Variants in SGMS1 observed in about 807,000 individuals in gnomAD.
The protein encoded by SGMS1 is sphingomyelin synthase 1.
A neutral mutation model predicts 46.2 loss-of-function variants in SGMS1; 13 were observed. The observed-to-expected ratio is 0.28, with a 90% CI of 0.18 to 0.45. SGMS1 has a LOEUF of 0.45. Ranked by LOEUF, SGMS1 falls within the 20% of genes least tolerant of loss-of-function variation. The probability of loss-of-function intolerance (pLI) is 1.00; values close to 1 mark genes in which losing one functional copy is unlikely to be tolerated. For missense variants in SGMS1, 324 were observed against 519.9 expected (o/e 0.62, Z 3.66); for synonymous variants, 203 against 187.8 (o/e 1.08, Z -0.66).
chr10:50,537,776 A>T (rs1043133417), intron 2 of SGMS1, among the ~76,000 whole-genome samples: 3 of 152,080 alleles, frequency 2.0e-5, no homozygotes, highest in African/African-American at 7.2e-5. Context: ...TAGGTCATAG[A>T]GCTTGTCTAC....
chr10:50,358,006 A>G (rs908425244), intron 6 of SGMS1, among the ~76,000 whole-genome samples: 2 of 152,200 alleles, frequency 1.3e-5, no homozygotes, highest in African/African-American at 2.4e-5. Context: ...GCACCTGGAC[A>G]TGGTGGTTCA....
rs180997652 is a variant in SGMS1 at position 50,600,050 on chromosome 10, G to A, written c.-683-9803C>T. On this transcript the variant is annotated intron_variant, in intron 1 of 10. Coordinates refer to ENST00000361781, the MANE Select transcript of SGMS1 (RefSeq NM_147156.4). ...ATTTCACATGCTTCAAGCTATTTCA[G>A]CCAAGTGACCCCAAGGCGGCATATA... Among the ~76,000 whole-genome samples, 5 of 152,262 alleles carry A rather than the reference G, an allele frequency of 3.3e-5. No homozygotes were observed. In the East Asian group the frequency reaches 7.7e-4, roughly 24 times the overall value.
At chr10:50,349,350 C>T (rs1030652031) in intron 6 of SGMS1, among the ~76,000 whole-genome samples, 4 of 152,182 alleles carry the variant, frequency 2.6e-5, no homozygotes, top group African/African-American at 9.7e-5. Context: ...ACCATGAATA[C>T]CTGTGGTACA....
At chr10:50,372,485 G>A (rs935074059) in intron 6 of SGMS1, among the ~76,000 whole-genome samples, 1 of 152,136 alleles carries the variant, frequency 6.6e-6, no homozygotes, top group East Asian at 1.9e-4. Flanking sequence ...ACGAGGTCAG[G>A]AGATCAAGAC....
rs374675426 is a variant in SGMS1, at chr10:50,307,958, A to G, written c.1062+24T>C. 2.5e-5 allele frequency: 41 copies of G among 1,612,498 alleles called. No individual in the cohort carries two copies. Among genetic ancestry groups the G allele is most frequent in the Middle Eastern group, 1.8e-4 (1 of 5,592 alleles). On this transcript the variant is annotated intron_variant, in intron 10 of 10. Transcript: ENST00000361781. The surrounding 1 kb of genome is among the most constrained non-coding windows in gnomAD (Gnocchi z 4.2). ...CATCAAGCCAGAAACAACAGAAGCT[A>G]AAATCAAAAGCGGGGAAACTCACTT...
chr10:50,520,090 A>G (rs1837844556), intron 2 of SGMS1, among the ~76,000 whole-genome samples, 169 bp from the exon 3 acceptor site: 1 of 152,130 alleles, frequency 6.6e-6, no homozygotes, highest in African/African-American at 2.4e-5. Context: ...AGCCATTTTA[A>G]CTAAAACTAT....
In SGMS1 at chr10:50,356,856, G is replaced by T. The variant is rs1356359395; in HGVS notation, c.-231-12511C>A. ...ACCACATGTTCTCACTCATAGGTGGGAATTGAACAATGAGATCACATGGAC... is the reference window on the plus strand; with the variant it reads ...ACCACATGTTCTCACTCATAGGTGGTAATTGAACAATGAGATCACATGGAC... On this transcript the variant is annotated intron_variant, in intron 6 of 10. Transcript: ENST00000361781. Among the ~76,000 whole-genome samples, 4 of 152,084 alleles carry T rather than the reference G, an allele frequency of 2.6e-5. No individual in the cohort carries two copies. In the East Asian group the frequency reaches 5.8e-4, roughly 22 times the overall value.
chr10:50,509,437 C>T (rs937613958), intron 3 of SGMS1, among the ~76,000 whole-genome samples: 5 of 152,044 alleles, frequency 3.3e-5, no homozygotes, highest in African/African-American at 1.2e-4. Context: ...TTTGATAAGC[C>T]ATTCTAGGAA....
intron 3 of SGMS1, among the ~76,000 whole-genome samples, chr10:50,495,930 C>A (rs1588853585): frequency 6.6e-6 from 1 of 152,240 alleles, no homozygotes; most frequent in East Asian, 1.9e-4. Context: ...TTTCGGCATC[C>A]TTCTATGTTG....
At chr10:50,524,108 G>A (rs1286360178) in intron 2 of SGMS1, among the ~76,000 whole-genome samples, 1 of 152,180 alleles carries the variant, frequency 6.6e-6, no homozygotes, top group African/African-American at 2.4e-5. Context: ...TTAAAAGTGA[G>A]CATCTGATGT....
chr10:50,481,166 C>T (rs1231318831), intron 3 of SGMS1, among the ~76,000 whole-genome samples: 1 of 152,256 alleles, frequency 6.6e-6, no homozygotes, highest in Non-Finnish European at 1.5e-5. Flanking sequence ...CCCAGCACAC[C>T]CACTTCGCCA....
At position 50,479,107 on chromosome 10, in the gene SGMS1, A is replaced by G. The variant is rs149242109; in HGVS notation, c.-497-12175T>C. Among the ~76,000 whole-genome samples, 947 of 142,082 alleles carry G rather than the reference A, an allele frequency of 6.7e-3. 8 individuals carry two copies. Among genetic ancestry groups the G allele is most frequent in the African/African-American group, 0.023 (897 of 39,178 alleles). The allele number at this position is 142,082 out of a possible 152,430, so 93.2% of individuals were successfully genotyped here. A position where few individuals can be genotyped will look rare whatever the true frequency, so the allele number is the denominator to read the frequency against. ...TTCTCCAGCCTTAAATATGTTAATG[A>G]GTATAGTGAATTTCCAGTAATGCAC... On this transcript the variant is annotated intron_variant, in intron 3 of 10. Coordinates refer to ENST00000361781, the MANE Select transcript of SGMS1 (RefSeq NM_147156.4).
intron 4 of SGMS1, among the ~76,000 whole-genome samples, chr10:50,463,808 G>A (rs1837296704): frequency 1.3e-5 from 2 of 151,918 alleles, no homozygotes; most frequent in Admixed American, 1.3e-4. Flanking sequence ...AAGAAAACAT[G>A]GTATATACAT....
At chr10:50,350,628 G>C (rs1231903821) in intron 6 of SGMS1, among the ~76,000 whole-genome samples, 9 of 152,330 alleles carry the variant, frequency 5.9e-5, no homozygotes, top group African/African-American at 1.9e-4. Flanking sequence ...CACTCTAGCA[G>C]TGGCTGAAAG....
chr10:50,311,064 C>T (rs2304443), intron 9 of SGMS1, among the ~76,000 whole-genome samples, 198 bp downstream of exon 9: 4,041 of 152,258 alleles, frequency 0.027, 80 homozygotes, highest in South Asian at 0.064. Context: ...CAGGACACCT[C>T]GTCCTCAGGA....
At chr10:50,474,574 A>G (rs1228218074) in intron 3 of SGMS1, among the ~76,000 whole-genome samples, 1 of 152,200 alleles carries the variant, frequency 6.6e-6, no homozygotes, top group Non-Finnish European at 1.5e-5. Context: ...ATTAGAACTA[A>G]CAAATTTTTC....
At chr10:50,612,718 T>C (rs1280785892) in intron 1 of SGMS1, among the ~76,000 whole-genome samples, 1 of 152,182 alleles carries the variant, frequency 6.6e-6, no homozygotes, top group East Asian at 1.9e-4. Context: ...TTGTTGTTGT[T>C]GTTGTTCTGA....
intron 6 of SGMS1, among the ~76,000 whole-genome samples, chr10:50,431,287 A>T (rs1170991680): frequency 2.0e-5 from 3 of 152,158 alleles, no homozygotes; most frequent in Non-Finnish European, 4.4e-5. Flanking sequence ...AACTATAAAT[A>T]CCTTTTGTTT....
intron 5 of SGMS1, among the ~76,000 whole-genome samples, chr10:50,434,765 G>C (rs1849453297): frequency 6.6e-6 from 1 of 150,876 alleles, no homozygotes. Flanking sequence ...GGTGCCTGTG[G>C]TCCCAGCTAC....
Sources: gnomAD v4.1 joint callset for allele counts (sites outside exome capture counted in the v4.1 genomes callset) on GRCh38, gnomAD v4.1.1 for gene constraint, Gnocchi (gnomAD v3.1) non-coding constraint, MANE v1.5 for transcripts, NCBI Gene and HGNC (gene_info 2026-07-23, HGNC 2026-07-21) for gene names.